The following SHPRH variants were observed in gnomAD, a reference collection of about 807,000 sequenced individuals.
SHPRH encodes the protein SNF2 histone linker PHD RING helicase.
A neutral mutation model predicts 202.5 loss-of-function variants in SHPRH; 106 were observed. The observed-to-expected ratio is 0.52, with a 90% CI of 0.45 to 0.62. SHPRH has a LOEUF of 0.62. Among genes scored for constraint, SHPRH ranks in the 20% least tolerant of loss-of-function variants. SHPRH has a pLI of 0.00. For synonymous variants in SHPRH, 729 were observed against 686.0 expected (o/e 1.06, Z -0.98); for missense variants, 1,710 against 2,020.0 (o/e 0.85, Z 2.94).
At chr6:145,881,910 C>T (rs370927672), downstream of SHPRH, among the ~76,000 whole-genome samples, 1 of 152,000 alleles carries the variant, frequency 6.6e-6, no homozygotes, top group South Asian at 2.1e-4. Context: ...TCGAGACCAG[C>T]CTGGGCAACA....
At chr6:145,950,871 T>C (rs1787907721) in intron 3 of SHPRH, among the ~76,000 whole-genome samples, 1 of 152,084 alleles carries the variant, frequency 6.6e-6, no homozygotes, top group Non-Finnish European at 1.5e-5. Flanking sequence ...AGCTGACACG[T>C]GTATTGTCTA....
At chr6:145,960,215 G>A (rs1788946626) in intron 1 of SHPRH, among the ~76,000 whole-genome samples, 1 of 31,982 alleles carries the variant, frequency 3.1e-5, no homozygotes, top group Non-Finnish European at 8.2e-5. Flanking sequence ...TTATGGCAAT[G>A]GTTGAGGTGT....
chr6:145,911,668 C>T (rs6926076), intron 24 of SHPRH, among the ~76,000 whole-genome samples: 95,617 of 151,810 alleles, frequency 0.63, 30,616 homozygotes, highest in African/African-American at 0.73. Flanking sequence ...CTTCTAAATC[C>T]TTAAGCTATG....
intron 11 of SHPRH, among the ~76,000 whole-genome samples, chr6:145,939,371 T>C (rs1786488393): frequency 6.6e-6 from 1 of 152,212 alleles, no homozygotes; most frequent in Admixed American, 6.5e-5. Flanking sequence ...TTTAGTTATA[T>C]GTCATTTATA....
chr6:145,946,487 T>C, intron 6 of SHPRH, 146 bp from the exon 7 acceptor site: 3 of 520,616 alleles, frequency 5.8e-6, no homozygotes, highest in South Asian at 3.4e-5. Context: ...TGTAGATACA[T>C]ACACAGTTTT....
chr6:145,957,987 G>A (rs1417185257), intron 1 of SHPRH, among the ~76,000 whole-genome samples: 2 of 152,152 alleles, frequency 1.3e-5, no homozygotes, highest in Non-Finnish European at 2.9e-5. Flanking sequence ...ACTATTCTGT[G>A]ATAAAAAGAG....
chr6:145,863,867 A>T (rs1332035127), downstream of SHPRH, among the ~76,000 whole-genome samples: 2 of 152,160 alleles, frequency 1.3e-5, no homozygotes, highest in African/African-American at 4.8e-5. Flanking sequence ...CAGGACTGAG[A>T]CTCGGTAGGA....
chr6:145,872,555 T>C (rs891604552), intron 2 of SHPRH, among the ~76,000 whole-genome samples: 1 of 152,190 alleles, frequency 6.6e-6, no homozygotes, highest in Admixed American at 6.6e-5. Context: ...CTGATGAGGA[T>C]GTGAAGAAAA....
intron 28 of SHPRH, among the ~76,000 whole-genome samples, chr6:145,892,047 G>C (rs964122044): frequency 1.3e-5 from 2 of 152,112 alleles, no homozygotes; most frequent in African/African-American, 4.8e-5. Flanking sequence ...TCTCTTTCCT[G>C]TTTTCAAGTA....
intron 14 of SHPRH, among the ~76,000 whole-genome samples, chr6:145,927,736 C>T (rs576306001): frequency 6.6e-5 from 10 of 151,730 alleles, no homozygotes; most frequent in Admixed American, 3.3e-4. Context: ...CCACACATAG[C>T]GATCAGAAAA....
At position 145,946,237 on chromosome 6, in the gene SHPRH, G is replaced by A. The variant is rs1188319090; in HGVS notation, c.1317C>T (p.Cys439=). 6.2e-7 allele frequency: 1 copy of A among 1,605,784 alleles called. No homozygotes were observed. Among genetic ancestry groups the A allele is most frequent in the Non-Finnish European group, 8.5e-7 (1 of 1,175,768 alleles). Residue 439 remains cysteine, a synonymous_variant, in exon 7 of 30, where the codon TGC becomes TGT. Coordinates refer to ENST00000275233, the MANE Select transcript of SHPRH (RefSeq NM_001042683.3). ...TTTAAGAGATGTCTTACTTACGAGGGCATTGAACTTTTTCTTTTGGTTCAA... is the reference window on the plus strand; with the variant it reads ...TTTAAGAGATGTCTTACTTACGAGGACATTGAACTTTTTCTTTTGGTTCAA... ...IEFEPKEKVQ[C]PPTRVMILTA...
chr6:145,888,079 G>A lies in SHPRH; in HGVS notation c.4896C>T (p.Phe1632=), dbSNP rs978716931. The A allele has an allele frequency of 1.9e-6, 3 of 1,612,150 alleles. No individual in the cohort carries two copies. Among genetic ancestry groups the A allele is most frequent in the African/African-American group, 1.3e-5 (1 of 74,936 alleles). ...GQTKPTIVHR[F]LIKATIEERM... Reference sequence around the variant, plus strand: ...TTTCTTCTATTGTTGCTTTAATTAAGAATCTGTGTACAATAGTAGGTCTAA... The same window carrying A: ...TTTCTTCTATTGTTGCTTTAATTAAAAATCTGTGTACAATAGTAGGTCTAA... Residue 1632 remains phenylalanine (F), a synonymous_variant, in exon 29 of 30, where the codon TTC becomes TTT. Coordinates refer to ENST00000275233, the MANE Select transcript of SHPRH (RefSeq NM_001042683.3).
chr6:145,925,337 TC>T (rs1784768970), intron 16 of SHPRH, among the ~76,000 whole-genome samples: 1 of 71,958 alleles, frequency 1.4e-5, no homozygotes, highest in African/African-American at 4.5e-5. Context: ...TTAAATGTTC[TC>T]ACTACACACA....
chr6:145,897,153 G>T (rs1782082094), intron 25 of SHPRH, among the ~76,000 whole-genome samples: 1 of 151,468 alleles, frequency 6.6e-6, no homozygotes, highest in Admixed American at 6.6e-5. Context: ...CAACCCTTTA[G>T]GTAGACTAAG....
At chr6:145,935,639 C>G in intron 11 of SHPRH, 198 bp from the exon 12 acceptor site, 1 of 542,174 alleles carries the variant, frequency 1.8e-6, no homozygotes, top group Non-Finnish European at 3.2e-6. Flanking sequence ...AGGTTTTGGG[C>G]TAGGTGCTAA....
chr6:145,921,004 G>C (rs1055597389), intron 21 of SHPRH, among the ~76,000 whole-genome samples, 163 bp downstream of exon 21: 9 of 151,968 alleles, frequency 5.9e-5, no homozygotes, highest in African/African-American at 1.9e-4. Context: ...TATGGTATTT[G>C]CTATCCTTTA....
In SHPRH at chr6:145,954,892, T is replaced by C; in HGVS notation, c.431A>G (p.Glu144Gly). Residue 144 changes from glutamate (E) to glycine (G), a missense_variant, in exon 2 of 30, where the codon GAG becomes GGG. Around this residue, in one of 8 missense-constraint regions of SHPRH, gnomAD observed 459 missense variants for 426.5 expected, o/e 1.08. Coordinates refer to ENST00000275233, the MANE Select transcript of SHPRH (RefSeq NM_001042683.3). The part of the protein sequence containing the change: ...SERSITLMSS[E>G]SSNQFLIYVH... ...ATAAATCAGGAACTGATTGCTTGAC[T>C]CTGAACTCATCAATGTAATACTCCT... 6.2e-7 allele frequency: 1 copy of C among 1,613,844 alleles called. No homozygotes were observed. The highest frequency in any genetic ancestry group is 8.5e-7 in the Non-Finnish European group (1 of 1,179,894).
chr6:145,963,113 T>TC (rs1391367685), intron 1 of SHPRH, among the ~76,000 whole-genome samples: 3 of 152,212 alleles, frequency 2.0e-5, no homozygotes, highest in African/African-American at 7.2e-5. Context: ...GGTTAACTGG[T>TC]CCTTTAAAGC....
chr6:145,914,403 A>AT (rs1218901432), intron 23 of SHPRH, among the ~76,000 whole-genome samples: 1 of 152,194 alleles, frequency 6.6e-6, no homozygotes, highest in African/African-American at 2.4e-5. Flanking sequence ...ATATGTCAAT[A>AT]AAGAGTTGAC....
Sources: gnomAD v4.1 joint callset for allele counts (sites outside exome capture counted in the v4.1 genomes callset) on GRCh38, gnomAD v4.1.1 for gene constraint, gnomAD v4.1.1 regional missense constraint, MANE v1.5 for transcripts, NCBI Gene and HGNC (gene_info 2026-07-23, HGNC 2026-07-21) for gene names.